The following NALF1 variants were observed in gnomAD, a reference collection of about 807,000 sequenced individuals.
The protein encoded by NALF1 is family with sequence similarity 155 member A.
A neutral mutation model predicts 48.4 loss-of-function variants in NALF1; 3 were observed. The observed-to-expected ratio is 0.06, with a 90% confidence interval of 0.03 to 0.16. NALF1 has a LOEUF of 0.16. Among genes scored for constraint, NALF1 ranks in the 10% least tolerant of loss-of-function variants. The probability of loss-of-function intolerance (pLI) is 1.00; values close to 1 mark genes in which losing one functional copy is unlikely to be tolerated. For synonymous variants in NALF1, 262 were observed against 245.7 expected, an observed-to-expected ratio of 1.07 and a Z score of -0.62; for missense variants, 526 against 571.5, an observed-to-expected ratio of 0.92 and a Z score of 0.81.
intron 2 of NALF1, among the ~76,000 whole-genome samples, chr13:107,195,946 T>C (rs1311405266): frequency 3.3e-5 from 5 of 152,188 alleles, no homozygotes; most frequent in Admixed American, 6.5e-5. Flanking sequence ...GTGGTACATA[T>C]ACACTATGGA....
chr13:107,252,949 A>G (rs1311611343), intron 1 of NALF1, among the ~76,000 whole-genome samples: 1 of 152,238 alleles, frequency 6.6e-6, no homozygotes, highest in African/African-American at 2.4e-5. Context: ...ATAATGTACA[A>G]TTTCATACTT....
Position 107,213,239 on chromosome 13 carries a change from AAAAAAAAAAAAG to A in NALF1, c.916-2496_916-2485del, listed in dbSNP as rs1594073012. 2.0e-5 allele frequency among the ~76,000 whole-genome samples: 3 copies of A among 150,450 alleles called. No individual in the cohort carries two copies. The East Asian group carries it at 5.8e-4, about 29-fold the overall frequency. ...AGATTTTTTTTTAACTCAAAAAAAA[AAAAAAAAAAAAG>A]AAAAGAAAAAGAAACTAGTAAGAGA... On this transcript the variant is annotated intron_variant, in intron 1 of 2. Transcript: ENST00000375915.
At chr13:107,806,766 GA>G (rs1878803018) in intron 1 of NALF1, among the ~76,000 whole-genome samples, 1 of 152,102 alleles carries the variant, frequency 6.6e-6, no homozygotes, top group African/African-American at 2.4e-5. Context: ...ACAAGAAACG[GA>G]AAACAGACTT....
chr13:107,795,115 G>C (rs1448008076), intron 1 of NALF1, among the ~76,000 whole-genome samples: 1 of 152,126 alleles, frequency 6.6e-6, no homozygotes, highest in African/African-American at 2.4e-5. Flanking sequence ...AATTAGCTAA[G>C]ATAATGTTAG....
Position 107,499,649 on chromosome 13 carries a change from G to A in NALF1, c.916-288894C>T, listed in dbSNP as rs183915426. 1.6e-3 allele frequency among the ~76,000 whole-genome samples: 250 copies of A among 152,238 alleles called. 1 individual carries two copies. The highest frequency in any genetic ancestry group is 5.9e-3 in the African/African-American group (246 of 41,550). The stretch of plus-strand genomic sequence containing the variant: ...ATAATATATTTTACAGTATCATTCT[G>A]CAAATTAAGGACATTGTAAAGAAGG... On this transcript the variant is annotated intron_variant, in intron 1 of 2. Coordinates refer to ENST00000375915, the MANE Select transcript of NALF1 (RefSeq NM_001080396.3).
chr13:107,454,590 T>C (rs1884794561), intron 1 of NALF1, among the ~76,000 whole-genome samples: 1 of 152,128 alleles, frequency 6.6e-6, no homozygotes, highest in African/African-American at 2.4e-5. Flanking sequence ...AAGATGATAT[T>C]TGGGTGGAGA....
chr13:107,340,307 AT>A (rs1299317573), intron 1 of NALF1, among the ~76,000 whole-genome samples: 1 of 151,642 alleles, frequency 6.6e-6, no homozygotes, highest in Non-Finnish European at 1.5e-5. Flanking sequence ...CGCCCGGCTA[AT>A]TTTTGTATGT....
chr13:107,338,815 G>A (rs1421587779), intron 1 of NALF1, among the ~76,000 whole-genome samples: 1 of 152,078 alleles, frequency 6.6e-6, no homozygotes, highest in East Asian at 1.9e-4. Flanking sequence ...CCGAAGATGT[G>A]GGTGCAAAAC....
rs927284451 is a variant in NALF1, at chr13:107,404,393, G to A, written c.916-193638C>T. On this transcript the variant is annotated intron_variant, in intron 1 of 2. Transcript: ENST00000375915. ...ATAGCTTCAAAGATTTGTCCCATAA[G>A]AGAATATGGTTTATATTTGAAAAAA... is the stretch of plus-strand genomic sequence containing the variant. 3.3e-5 allele frequency among the ~76,000 whole-genome samples: 5 copies of A among 151,998 alleles called. 1 individual carries two copies.
chr13:107,540,886 G>A (rs767415755), intron 1 of NALF1, among the ~76,000 whole-genome samples: 2 of 152,068 alleles, frequency 1.3e-5, no homozygotes, highest in African/African-American at 2.4e-5. Context: ...AGTAGATTCT[G>A]CTTAAGAATC....
chr13:107,378,363 G>A (rs1411140717), intron 1 of NALF1, among the ~76,000 whole-genome samples: 1 of 150,938 alleles, frequency 6.6e-6, no homozygotes, highest in Non-Finnish European at 1.5e-5. Flanking sequence ...CAATGTAATT[G>A]ATTTTTAGTA....
chr13:107,424,286 C>T (rs1004019275), intron 1 of NALF1, among the ~76,000 whole-genome samples: 2 of 152,100 alleles, frequency 1.3e-5, no homozygotes, highest in African/African-American at 4.8e-5. Context: ...TATAGGTGCA[C>T]ACCACCATGC....
chr13:107,445,164 T>C (rs554326552), intron 1 of NALF1, among the ~76,000 whole-genome samples: 1 of 152,148 alleles, frequency 6.6e-6, no homozygotes, highest in Non-Finnish European at 1.5e-5. Context: ...CCATCACTTG[T>C]GTAGTTTCAA....
Position 107,434,642 on chromosome 13 carries a change from C to A in NALF1, c.916-223887G>T, listed in dbSNP as rs556891602. Among the ~76,000 whole-genome samples the A allele has an allele frequency of 8.3e-4, 127 of 152,282 alleles. 1 individual carries two copies. The highest frequency in any genetic ancestry group is 2.9e-3 in the African/African-American group (122 of 41,558). On this transcript the variant is annotated intron_variant, in intron 1 of 2. Coordinates refer to ENST00000375915, the MANE Select transcript of NALF1 (RefSeq NM_001080396.3). ...GCTATGCGAAGAGGCAGCATCACAGCGGAAGAAAACATGAAGTTGAAAATC... is the reference window on the plus strand; with the variant it reads ...GCTATGCGAAGAGGCAGCATCACAGAGGAAGAAAACATGAAGTTGAAAATC...
chr13:107,508,270 A>G (rs1170689923), intron 1 of NALF1, among the ~76,000 whole-genome samples: 1 of 151,958 alleles, frequency 6.6e-6, no homozygotes, highest in Non-Finnish European at 1.5e-5. Context: ...TTAGTCATAA[A>G]TGCTCTAAAC....
chr13:107,380,769 G>C (rs1883421558), intron 1 of NALF1, among the ~76,000 whole-genome samples: 2 of 151,926 alleles, frequency 1.3e-5, no homozygotes, highest in Admixed American at 1.3e-4. Flanking sequence ...ACGAGGTCAG[G>C]AGATCGAGAC....
At chr13:107,459,961 C>A (rs948952086) in intron 1 of NALF1, among the ~76,000 whole-genome samples, 1 of 152,106 alleles carries the variant, frequency 6.6e-6, no homozygotes, top group Non-Finnish European at 1.5e-5. Flanking sequence ...AAACTGGTCA[C>A]AAACTCCTGG....
chr13:107,604,864 C>T (rs892219169), intron 1 of NALF1, among the ~76,000 whole-genome samples: 6 of 152,088 alleles, frequency 3.9e-5, no homozygotes, highest in African/African-American at 1.4e-4. Context: ...CTCATGTTAG[C>T]CATGAGATCG....
intron 1 of NALF1, among the ~76,000 whole-genome samples, chr13:107,701,564 A>G (rs1424574992): frequency 6.6e-6 from 1 of 152,156 alleles, no homozygotes; most frequent in Admixed American, 6.5e-5. Flanking sequence ...GCAGATATGT[A>G]CTGGGGTGGG....
Sources: gnomAD v4.1 joint callset for allele counts (sites outside exome capture counted in the v4.1 genomes callset) on GRCh38, gnomAD v4.1.1 for gene constraint, MANE v1.5 for transcripts, NCBI Gene and HGNC (gene_info 2026-07-23, HGNC 2026-07-21) for gene names.